The following WRN variants were observed in gnomAD, a reference collection of about 807,000 sequenced individuals.
WRN encodes the protein bifunctional 3'-5' exonuclease/ATP-dependent helicase WRN.
A neutral mutation model predicts 180.7 loss-of-function variants in WRN; 149 were observed. The observed-to-expected ratio is 0.82, with a 90% CI of 0.72 to 0.94. The LOEUF is 0.94. Among genes scored for constraint, WRN ranks in the 40% least tolerant of loss-of-function variants. The pLI is 0.00. For missense variants in WRN, 1,661 were observed against 1,700.1 expected, an observed-to-expected ratio of 0.98 and a Z score of 0.40; for synonymous variants, 548 against 568.9, an observed-to-expected ratio of 0.96 and a Z score of 0.52.
intron 30 of WRN, among the ~76,000 whole-genome samples, chr8:31,148,648 G>A (rs543033957): frequency 3.3e-5 from 5 of 151,920 alleles, no homozygotes; most frequent in East Asian, 3.9e-4. Flanking sequence ...ACTATTTCTC[G>A]CTTTATTACT....
chr8:31,163,993 C>T (rs1366139954), intron 33 of WRN, among the ~76,000 whole-genome samples: 1 of 151,934 alleles, frequency 6.6e-6, no homozygotes, highest in Non-Finnish European at 1.5e-5. Flanking sequence ...GCTGGGACCA[C>T]ACCTGGCTAA....
chr8:31,085,262 T>G lies in WRN; in HGVS notation c.1431+16T>G. 6.2e-7 allele frequency: 1 copy of G among 1,612,294 alleles called. No individual in the cohort carries two copies. Among genetic ancestry groups the G allele is most frequent in the Non-Finnish European group, 8.5e-7 (1 of 1,178,852 alleles). ...GATGCTTAAGGTATGTTTACAATTA[T>G]AAAAACATTACTTCAAGTTCTTTCC... On this transcript the variant is annotated intron_variant, in intron 11 of 34. Transcript: ENST00000298139.
intron 1 of WRN, among the ~76,000 whole-genome samples, chr8:31,035,408 TGGA>T (rs1811414794): frequency 6.6e-6 from 1 of 152,088 alleles, no homozygotes; most frequent in Non-Finnish European, 1.5e-5. Context: ...TGACGTTCTC[TGGA>T]GGAGAAGAAA....
chr8:31,148,884 G>A (rs1802974890), intron 30 of WRN, among the ~76,000 whole-genome samples: 1 of 152,118 alleles, frequency 6.6e-6, no homozygotes, highest in Admixed American at 6.6e-5. Context: ...TGTGTCTCCT[G>A]TAGCACCTAG....
chr8:31,097,815 A>C (rs1814053854), intron 17 of WRN, among the ~76,000 whole-genome samples: 1 of 152,074 alleles, frequency 6.6e-6, no homozygotes, highest in South Asian at 2.1e-4. Context: ...GGTTAGGCTT[A>C]ACTATCCAAG....
At chr8:31,163,247 C>T (rs893241127) in intron 33 of WRN, among the ~76,000 whole-genome samples, 1 of 152,190 alleles carries the variant, frequency 6.6e-6, no homozygotes, top group Admixed American at 6.5e-5. Flanking sequence ...ATTATTCAGC[C>T]ACATATTGAC....
At position 31,176,123 on chromosome 8, in the gene WRN, G is replaced by A. The variant is rs946317976; in HGVS notation, c.*3021G>A. Among the ~76,000 whole-genome samples the A allele has an allele frequency of 5.3e-5, 8 of 152,086 alleles. No individual in the cohort carries two copies. The highest frequency in any genetic ancestry group is 1.2e-4 in the Non-Finnish European group (8 of 68,014). On this transcript the variant is annotated 3_prime_UTR_variant, in exon 35 of 35. Coordinates refer to ENST00000298139, the MANE Select transcript of WRN (RefSeq NM_000553.6). The stretch of plus-strand genomic sequence containing the variant: ...TTGTTGGACATTAAAGTTGCTTTCA[G>A]TTTTTTTGTTTTAAACAGCACTGCT...
chr8:31,116,540 AATC>A lies in WRN; in HGVS notation c.2448+18_2448+20del. ...GAGATGAAATTCAGGTATGAGGATC[AATC>A]ATCATTGCTCTCCGTTGCTCATAGT... On this transcript the variant is annotated intron_variant, in intron 20 of 34. Transcript: ENST00000298139. 2 of 1,613,476 alleles carry A rather than the reference AATC, an allele frequency of 1.2e-6. No individual in the cohort carries two copies. Among genetic ancestry groups the A allele is most frequent in the Non-Finnish European group, 1.7e-6 (2 of 1,179,740 alleles).
At position 31,143,561 on chromosome 8, in the gene WRN, G is replaced by T. The variant is rs1228541145; in HGVS notation, c.3321G>T (p.Glu1107Asp). Residue 1107 changes from glutamate (E) to aspartate (D), a missense_variant, in exon 28 of 35, where the codon GAG becomes GAT. By Grantham distance (45) the Glu-to-Asp change is conservative. Transcript: ENST00000298139. The stretch of plus-strand genomic sequence containing the variant: ...ATGTTTAAATGCAGTCTAACTTGGA[G>T]AAGTTATATTCTTATAAACCATGTG... ...ELSTEKKSNL[E>D]KLYSYKPCDK... The T allele has an allele frequency of 1.9e-6, 3 of 1,591,388 alleles. No homozygotes were observed. The highest frequency in any genetic ancestry group is 2.3e-5 in the South Asian group (2 of 88,720).
chr8:31,122,529 G>A (rs913636473), intron 21 of WRN, among the ~76,000 whole-genome samples: 22 of 152,038 alleles, frequency 1.4e-4, no homozygotes, highest in African/African-American at 5.1e-4. Flanking sequence ...ACCTTAAATA[G>A]TCAAACCCCA....
intron 5 of WRN, among the ~76,000 whole-genome samples, chr8:31,066,347 C>T (rs1464997853): frequency 6.6e-6 from 1 of 151,848 alleles, no homozygotes; most frequent in East Asian, 1.9e-4. Context: ...CCACACCCAG[C>T]TAATTTTTTG....
intron 24 of WRN, among the ~76,000 whole-genome samples, chr8:31,136,619 C>G (rs182790076): frequency 2.2e-4 from 33 of 152,080 alleles, no homozygotes; most frequent in Non-Finnish European, 3.2e-4. Flanking sequence ...GGGGATTGCT[C>G]GAGACCAGGA....
Position 31,081,093 on chromosome 8 carries a change from A to G in WRN, c.1066A>G (p.Lys356Glu), listed in dbSNP as rs2130119453. The G allele has an allele frequency of 6.2e-7, 1 of 1,614,106 alleles. No individual in the cohort carries two copies. Among genetic ancestry groups the G allele is most frequent in the Non-Finnish European group, 8.5e-7 (1 of 1,179,978 alleles). Residue 356 changes from lysine (K) to glutamate (E), a missense_variant, in exon 9 of 35, where the codon AAA (lysine) becomes GAA (glutamate). This residue lies in a region of WRN where 500 missense variants were observed against 504.1 expected (regional missense o/e 0.99). Coordinates refer to ENST00000298139, the MANE Select transcript of WRN (RefSeq NM_000553.6). The part of the protein sequence containing the change: ...TWDPTLDHLA[K>E]HDGEDVLGNK... Reference sequence around the variant, plus strand: ...GGACCCAACACTTGATCATTTAGCTAAACATGATGGAGAAGATGTACTTGG... The same window carrying G: ...GGACCCAACACTTGATCATTTAGCTGAACATGATGGAGAAGATGTACTTGG...
Position 31,116,489 on chromosome 8 carries a change from G to T in WRN, c.2409G>T (p.Arg803Ser). 6.2e-7 allele frequency: 1 copy of T among 1,613,970 alleles called. No individual in the cohort carries two copies. The highest frequency in any genetic ancestry group is 8.5e-7 in the Non-Finnish European group (1 of 1,179,914). ...TYHAGMSFST[R>S]KDIHHRFVRD... ...ATGCGGGCATGAGTTTTAGCACAAGGAAAGACATTCATCATAGGTTTGTAA... is the reference window on the plus strand; with the variant it reads ...ATGCGGGCATGAGTTTTAGCACAAGTAAAGACATTCATCATAGGTTTGTAA... Residue 803 changes from arginine (R) to serine (S), a missense_variant, in exon 20 of 35, where the codon AGG becomes AGT. Physicochemically the swap from Arg to Ser is moderately radical, Grantham distance 110 (BLOSUM62 -1). Transcript: ENST00000298139.
chr8:31,069,184 T>G (rs1387104230), intron 7 of WRN, among the ~76,000 whole-genome samples: 8 of 152,278 alleles, frequency 5.3e-5, no homozygotes, highest in South Asian at 2.1e-4. Context: ...AATTAGGCCA[T>G]TTTGCTAAAT....
chr8:31,063,079 C>T (rs11574192), intron 3 of WRN, among the ~76,000 whole-genome samples: 3,089 of 152,298 alleles, frequency 0.02, 64 homozygotes, highest in African/African-American at 0.052. Context: ...AGTGATCCTC[C>T]TGCCTTGGTC....
chr8:31,124,083 G>T (rs1179323885), intron 21 of WRN, among the ~76,000 whole-genome samples: 2 of 152,050 alleles, frequency 1.3e-5, no homozygotes, highest in Non-Finnish European at 2.9e-5. Context: ...GCTTCTTTCA[G>T]TGTTCCTTAC....
At chr8:31,149,375 T>G (rs1326990796) in intron 30 of WRN, among the ~76,000 whole-genome samples, 1 of 144,414 alleles carries the variant, frequency 6.9e-6, no homozygotes, top group East Asian at 2.1e-4. Context: ...CCAGCCTGGG[T>G]GACAGAGCGA....
chr8:31,155,490 C>T (rs576526059), intron 32 of WRN, among the ~76,000 whole-genome samples: 50 of 152,022 alleles, frequency 3.3e-4, no homozygotes, highest in Admixed American at 6.6e-4. Context: ...GGCGTAGTGA[C>T]GCATGCCTGT....
Sources: allele counts gnomAD v4.1 joint callset (sites outside exome capture counted in the v4.1 genomes callset), GRCh38; gene constraint gnomAD v4.1.1; regional missense constraint gnomAD v4.1.1; transcripts MANE v1.5; gene names NCBI Gene and HGNC (gene_info 2026-07-23, HGNC 2026-07-21).